The following COMMD7 variants were observed in gnomAD, a reference collection of about 807,000 sequenced individuals.
COMMD7 encodes the protein COMM domain-containing protein 7.
COMMD7 carries 28 observed loss-of-function variants against 34.8 expected under a neutral mutation model. The ratio of observed to expected loss-of-function variants is 0.80; its 90% confidence interval spans 0.60 to 1.10. The LOEUF (loss-of-function observed/expected upper bound fraction) is 1.10, where lower values mean the gene tolerates loss of function less well. COMMD7 is among the 50% of genes least tolerant of loss of function. COMMD7 has a pLI of 0.00. For missense variants in COMMD7, 211 were observed against 241.6 expected, an observed-to-expected ratio of 0.87 and a Z score of 0.84; for synonymous variants, 80 against 86.4, an observed-to-expected ratio of 0.93 and a Z score of 0.41.
chr20:32,716,593 T>C lies in COMMD7; in HGVS notation c.242-9833A>G, dbSNP rs552415831. On this transcript the variant is annotated intron_variant, in intron 3 of 8. Transcript: ENST00000278980. Reference sequence around the variant, plus strand: ...TCGTGCCACTGCACTCCAGCCTGGGTGACAGAGTGAGACTCCGTCTCAAAA... The same window carrying C: ...TCGTGCCACTGCACTCCAGCCTGGGCGACAGAGTGAGACTCCGTCTCAAAA... 3.2e-3 allele frequency among the ~76,000 whole-genome samples: 488 copies of C among 152,100 alleles called. 4 individuals carry two copies. Among genetic ancestry groups the C allele is most frequent in the Non-Finnish European group, 4.1e-3 (282 of 68,002 alleles).
rs1052833488 is a variant in COMMD7, at chr20:32,735,245, T to A, written c.85-7103A>T. The stretch of plus-strand genomic sequence containing the variant: ...AGCGCGAGACTCAAAAAAAAAAAAT[T>A]TTTTTTTAAAGGATACTCATATATA... On this transcript the variant is annotated intron_variant, in intron 1 of 8. Coordinates refer to ENST00000278980, the MANE Select transcript of COMMD7 (RefSeq NM_053041.3). Among the ~76,000 whole-genome samples the A allele has an allele frequency of 3.8e-3, 67 of 17,714 alleles. 1 individual carries two copies. Among genetic ancestry groups the A allele is most frequent in the Non-Finnish European group, 6.3e-3 (29 of 4,582 alleles). 11.6% of individuals were successfully genotyped at this position (17,714 alleles called of 152,430 possible).
At position 32,704,494 on chromosome 20, in the gene COMMD7, G is replaced by C. The variant is rs1568770040; in HGVS notation, c.428-5C>G. 1 of 1,469,986 alleles carries C rather than the reference G, an allele frequency of 6.8e-7. No individual in the cohort carries two copies. Among genetic ancestry groups the C allele is most frequent in the East Asian group, 2.4e-5 (1 of 41,924 alleles). The allele number at this position is 1,469,986 out of a possible 1,614,324, so 91.1% of individuals were successfully genotyped here. A position where few individuals can be genotyped will look rare whatever the true frequency, so the allele number is the denominator to read the frequency against. ...ATTCGCTGCTCCCAGATGTCACTGT[G>C]ACAAAAAAAAAAAAAAAGAGAGAGA... On this transcript the variant is annotated splice_region_variant and splice_polypyrimidine_tract_variant and intron_variant, in intron 6 of 8. Coordinates refer to ENST00000278980, the MANE Select transcript of COMMD7 (RefSeq NM_053041.3).
chr20:32,703,060 C>G lies in COMMD7; in HGVS notation c.*322G>C, dbSNP rs150687049. 331 of 238,946 alleles carry G rather than the reference C, an allele frequency of 1.4e-3. 1 individual carries two copies. Among genetic ancestry groups the G allele is most frequent in the African/African-American group, 7.1e-3 (314 of 44,456 alleles). The allele number at this position is 238,946 out of a possible 1,614,324, so 14.8% of individuals were successfully genotyped here. On this transcript the variant is annotated 3_prime_UTR_variant, in exon 9 of 9. Coordinates refer to ENST00000278980, the MANE Select transcript of COMMD7 (RefSeq NM_053041.3). ...CTTGAATGATGGCACCATTTGTTTA[C>G]TCTGGAACTTTGAAGGGGAGGTGAC...
Position 32,709,399 on chromosome 20 carries a change from C to CA in COMMD7, c.242-2640dup, listed in dbSNP as rs60023181. Among the ~76,000 whole-genome samples, 1,001 of 142,076 alleles carry CA rather than the reference C, an allele frequency of 7.0e-3. 10 individuals carry two copies. The highest frequency in any genetic ancestry group is 0.037 in the East Asian group (171 of 4,674). The allele number at this position is 142,076 out of a possible 152,430, so 93.2% of individuals were successfully genotyped here. A position where few individuals can be genotyped will look rare whatever the true frequency, so the allele number is the denominator to read the frequency against. ...GCCTGGCAACAGAGCAACTCTGTCT[C>CA]AAAAAAAAAAAAAAACAGGCTGGGC... On this transcript the variant is annotated intron_variant, in intron 3 of 8. Transcript: ENST00000278980.
At chr20:32,734,330 G>A (rs1440141139) in intron 1 of COMMD7, among the ~76,000 whole-genome samples, 5 of 150,814 alleles carry the variant, frequency 3.3e-5, no homozygotes, top group Admixed American at 6.6e-5. Flanking sequence ...AAAATTAGCC[G>A]GGCATGGTGG....
intron 1 of COMMD7, among the ~76,000 whole-genome samples, chr20:32,733,104 C>T (rs1200255814): frequency 1.3e-5 from 2 of 148,592 alleles, no homozygotes; most frequent in African/African-American, 5.0e-5. Flanking sequence ...GGCATGGTGG[C>T]GGGCGCCTGT....
intron 1 of COMMD7, among the ~76,000 whole-genome samples, chr20:32,741,015 C>G (rs191134755): frequency 6.6e-6 from 1 of 151,426 alleles, no homozygotes; most frequent in South Asian, 2.1e-4. Context: ...TGGTGGTGCA[C>G]GCCTGTAGTC....
At position 32,703,035 on chromosome 20, in the gene COMMD7, C is replaced by T; in HGVS notation, c.*347G>A. The T allele has an allele frequency of 4.9e-6, 1 of 206,034 alleles. No homozygotes were observed. Among genetic ancestry groups the T allele is most frequent in the Admixed American group, 5.3e-5 (1 of 18,838 alleles). The allele number at this position is 206,034 out of a possible 1,614,324, so 12.8% of individuals were successfully genotyped here. A position where few individuals can be genotyped will look rare whatever the true frequency, so the allele number is the denominator to read the frequency against. On this transcript the variant is annotated 3_prime_UTR_variant, in exon 9 of 9. Coordinates refer to ENST00000278980, the MANE Select transcript of COMMD7 (RefSeq NM_053041.3). ...GGGAGGAGGGTGATCAGCATGTTAT[C>T]TTGAATGATGGCACCATTTGTTTAC...
At position 32,729,229 on chromosome 20, in the gene COMMD7, T is replaced by A. The variant is rs151247685; in HGVS notation, c.85-1087A>T. ...TGTTGCCCAGGCTGGAGTGCAGTGG[T>A]GTGATGTTGGCTCACTGCAACCTCC... On this transcript the variant is annotated intron_variant, in intron 1 of 8. Coordinates refer to ENST00000278980, the MANE Select transcript of COMMD7 (RefSeq NM_053041.3). Among the ~76,000 whole-genome samples, 678 of 148,512 alleles carry A rather than the reference T, an allele frequency of 4.6e-3. 4 individuals carry two copies. The highest frequency in any genetic ancestry group is 0.015 in the African/African-American group (616 of 40,434).
chr20:32,737,408 A>G (rs966505616), intron 1 of COMMD7, among the ~76,000 whole-genome samples: 1 of 148,712 alleles, frequency 6.7e-6, no homozygotes, highest in East Asian at 2.0e-4. Context: ...GTACATGCCT[A>G]TAGTCCCAGC....
At chr20:32,743,236 G>GGGCCCCCCCCCCC in intron 1 of COMMD7, 72 bp downstream of exon 1, 3 of 555,858 alleles carry the variant, frequency 5.4e-6, no homozygotes, top group East Asian at 4.2e-5. Context: ...ACCCCCGGAC[G>GGGCCCCCCCCCCC]TCCCCCCCAC....
At chr20:32,704,961 T>C (rs1419451916) in intron 5 of COMMD7, 57 bp from the exon 6 acceptor site, 1 of 1,241,006 alleles carries the variant, frequency 8.1e-7, no homozygotes, top group African/African-American at 1.5e-5. Context: ...CCCCTCTCCA[T>C]CCTGCCCTAA....
chr20:32,734,288 G>T (rs964750964), intron 1 of COMMD7, among the ~76,000 whole-genome samples: 1 of 150,816 alleles, frequency 6.6e-6, no homozygotes, highest in Non-Finnish European at 1.5e-5. Flanking sequence ...GCCTGGCCAA[G>T]ATGGTGAAAC....
At chr20:32,729,396 C>G (rs1343853240) in intron 1 of COMMD7, among the ~76,000 whole-genome samples, 2 of 151,220 alleles carry the variant, frequency 1.3e-5, no homozygotes, top group African/African-American at 4.9e-5. Flanking sequence ...TCGAACTCCT[C>G]ACCTCAAGTG....
At chr20:32,709,573 A>G (rs1427436271) in intron 3 of COMMD7, among the ~76,000 whole-genome samples, 1 of 152,174 alleles carries the variant, frequency 6.6e-6, no homozygotes, top group East Asian at 1.9e-4. Flanking sequence ...GACAAAAACA[A>G]CAAACAAAAA....
At chr20:32,729,771 C>A (rs1985730267) in intron 1 of COMMD7, among the ~76,000 whole-genome samples, 1 of 152,038 alleles carries the variant, frequency 6.6e-6, no homozygotes, top group Non-Finnish European at 1.5e-5. Flanking sequence ...CTTTGGGAGG[C>A]TGAAGTGAGT....
chr20:32,704,641 A>G (rs1443258063), intron 6 of COMMD7, 152 bp from the exon 7 acceptor site: 3 of 905,108 alleles, frequency 3.3e-6, no homozygotes, highest in Non-Finnish European at 5.1e-6. Flanking sequence ...TGGAAAGTCA[A>G]CTTATCCAGA....
chr20:32,742,414 T>A (rs1036460781), intron 1 of COMMD7: 1 of 151,908 alleles, frequency 6.6e-6, no homozygotes, highest in African/African-American at 2.4e-5. Flanking sequence ...TCCTGGGAAG[T>A]GACAACCTAG....
chr20:32,738,106 C>T (rs1367082148), intron 1 of COMMD7, among the ~76,000 whole-genome samples: 1 of 152,132 alleles, frequency 6.6e-6, no homozygotes. Context: ...CTGGCTCCAT[C>T]ACTTCCTGGC....
Sources: allele counts gnomAD v4.1 joint callset (sites outside exome capture counted in the v4.1 genomes callset), GRCh38; gene constraint gnomAD v4.1.1; transcripts MANE v1.5; gene names NCBI Gene and HGNC (gene_info 2026-07-23, HGNC 2026-07-21).